The following CTNNA3 variants were observed in gnomAD, a reference collection of about 807,000 sequenced individuals.
The protein encoded by CTNNA3 is catenin alpha-3.
In CTNNA3, 76 loss-of-function variants were observed where a neutral mutation model predicts 95.7. The observed-to-expected ratio is 0.79, with a 90% CI of 0.66 to 0.96. CTNNA3 has a LOEUF of 0.96. Ranked by LOEUF, CTNNA3 falls within the 40% of genes least tolerant of loss-of-function variation. The probability of loss-of-function intolerance (pLI) is 0.00; values close to 1 mark genes in which losing one functional copy is unlikely to be tolerated. For synonymous variants in CTNNA3, 431 were observed against 374.4 expected, an observed-to-expected ratio of 1.15 and a Z score of -1.74; for missense variants, 1,191 against 1,089.8, an observed-to-expected ratio of 1.09 and a Z score of -1.31.
At chr10:66,598,961 T>A (rs1843820487) in intron 10 of CTNNA3, among the ~76,000 whole-genome samples, 1 of 151,672 alleles carries the variant, frequency 6.6e-6, no homozygotes, top group Admixed American at 6.6e-5. Flanking sequence ...GAAGAACAAA[T>A]CTAGAGGCAT....
intron 13 of CTNNA3, among the ~76,000 whole-genome samples, chr10:66,219,581 A>G (rs2088788695): frequency 6.6e-6 from 1 of 152,008 alleles, no homozygotes; most frequent in Non-Finnish European, 1.5e-5. Context: ...TAACAGCCAC[A>G]TGAGAAACCT....
At chr10:66,315,602 G>T (rs1450507806) in intron 12 of CTNNA3, among the ~76,000 whole-genome samples, 1 of 151,662 alleles carries the variant, frequency 6.6e-6, no homozygotes, top group African/African-American at 2.4e-5. Flanking sequence ...ATTATTTCTG[G>T]TATTTCAGAT....
intron 14 of CTNNA3, chr10:66,098,864 C>T (rs1332434870): frequency 2.0e-5 from 3 of 152,166 alleles, no homozygotes; most frequent in African/African-American, 4.8e-5. Flanking sequence ...ATTTCCACTG[C>T]TATTTCCATT....
At chr10:66,354,779 G>A (rs1407707886) in intron 12 of CTNNA3, among the ~76,000 whole-genome samples, 6 of 151,982 alleles carry the variant, frequency 3.9e-5, no homozygotes, top group African/African-American at 1.4e-4. Flanking sequence ...CGAACTAACT[G>A]TGAGCTCCTG....
intron 11 of CTNNA3, among the ~76,000 whole-genome samples, chr10:66,436,526 T>G (rs757866435): frequency 9.9e-6 from 1 of 101,234 alleles, no homozygotes; most frequent in Non-Finnish European, 1.8e-5. Context: ...TTTTTTTTTT[T>G]GCTTTCTATT....
chr10:67,751,134 G>T lies in CTNNA3; in HGVS notation c.-2+12300C>A, dbSNP rs1198647311. ...CTTTGACTTTACATTGAATGATGAG[G>T]AGATGGCAACCACACTCAGCTTCAA... On this transcript the variant is annotated intron_variant, in intron 1 of 17. Coordinates refer to the CTNNA3 transcript ENST00000684154. The T allele has an allele frequency of 6.7e-6, 9 of 1,340,766 alleles. No homozygotes were observed. The African/African-American group carries it at 1.3e-4, about 19-fold the overall frequency. 83.1% of individuals were successfully genotyped at this position (1,340,766 alleles called of 1,614,324 possible). A position where few individuals can be genotyped will look rare whatever the true frequency, so the allele number is the denominator to read the frequency against.
intron 17 of CTNNA3, among the ~76,000 whole-genome samples, chr10:65,943,860 G>A (rs1188511706): frequency 1.3e-5 from 2 of 152,178 alleles, no homozygotes; most frequent in African/African-American, 4.8e-5. Flanking sequence ...CATTAGGTAA[G>A]TAACAACTAA....
intron 10 of CTNNA3, among the ~76,000 whole-genome samples, chr10:66,617,149 G>C (rs1844546579): frequency 6.6e-6 from 1 of 151,740 alleles, no homozygotes; most frequent in South Asian, 2.1e-4. Context: ...ATATAATAAA[G>C]GTAACAAATT....
intron 7 of CTNNA3, among the ~76,000 whole-genome samples, chr10:66,890,291 G>A (rs1206805593): frequency 1.3e-5 from 2 of 151,766 alleles, no homozygotes; most frequent in Non-Finnish European, 2.9e-5. Context: ...CTCATGGAAC[G>A]GAATAATATT....
chr10:66,414,148 C>G (rs1299468946), intron 11 of CTNNA3, among the ~76,000 whole-genome samples: 1 of 152,080 alleles, frequency 6.6e-6, no homozygotes. Context: ...ATGTTTAAAA[C>G]AAATGCTCTG....
intron 7 of CTNNA3, among the ~76,000 whole-genome samples, chr10:66,881,979 T>G (rs1256987662): frequency 6.6e-6 from 1 of 152,114 alleles, no homozygotes; most frequent in Non-Finnish European, 1.5e-5. Context: ...CAGAAAGCCT[T>G]AACAAATGAC....
At chr10:66,757,895 T>C (rs1291902534) in intron 9 of CTNNA3, among the ~76,000 whole-genome samples, 2 of 152,176 alleles carry the variant, frequency 1.3e-5, no homozygotes, top group African/African-American at 2.4e-5. Flanking sequence ...TAGGGTTTCC[T>C]TATCAGCAAA....
chr10:66,374,711 T>G (rs1366407044), intron 12 of CTNNA3, among the ~76,000 whole-genome samples: 1 of 145,138 alleles, frequency 6.9e-6, no homozygotes, highest in Non-Finnish European at 1.5e-5. Flanking sequence ...GCCTCCTGGG[T>G]TCAAGCAATT....
At chr10:65,996,582 T>C (rs2078665497) in intron 15 of CTNNA3, among the ~76,000 whole-genome samples, 1 of 152,148 alleles carries the variant, frequency 6.6e-6, no homozygotes, top group South Asian at 2.1e-4. Context: ...AGGGTGTTTG[T>C]GGGACCCAGC....
At chr10:66,785,190 A>C (rs1840693180) in intron 7 of CTNNA3, among the ~76,000 whole-genome samples, 1 of 152,232 alleles carries the variant, frequency 6.6e-6, no homozygotes, top group Non-Finnish European at 1.5e-5. Context: ...AGTCAGCTGC[A>C]GAAGAAGATA....
chr10:66,568,081 C>A (rs923533137), intron 10 of CTNNA3, among the ~76,000 whole-genome samples: 1 of 152,106 alleles, frequency 6.6e-6, no homozygotes, highest in African/African-American at 2.4e-5. Context: ...TGCAACAAGA[C>A]AATCAAGAAA....
intron 13 of CTNNA3, among the ~76,000 whole-genome samples, chr10:66,181,278 C>T (rs2086024865): frequency 1.3e-5 from 2 of 152,022 alleles, no homozygotes; most frequent in African/African-American, 4.8e-5. Flanking sequence ...TAATGTAAAC[C>T]ATGAAATAAA....
chr10:66,587,159 G>C (rs1265319758), intron 10 of CTNNA3, among the ~76,000 whole-genome samples: 16 of 152,162 alleles, frequency 1.1e-4, no homozygotes. Flanking sequence ...AATGCCAGCT[G>C]TAGTAGTAGT....
intron 7 of CTNNA3, among the ~76,000 whole-genome samples, chr10:66,835,816 T>C (rs1191858685): frequency 6.6e-6 from 1 of 152,086 alleles, no homozygotes; most frequent in Non-Finnish European, 1.5e-5. Context: ...TTAGCATACA[T>C]CAAATTCACC....
Sources: gnomAD v4.1 joint callset for allele counts (sites outside exome capture counted in the v4.1 genomes callset) on GRCh38, gnomAD v4.1.1 for gene constraint, MANE v1.5 for transcripts, NCBI Gene and HGNC (gene_info 2026-07-23, HGNC 2026-07-21) for gene names.